The following SIL1 variants were observed in gnomAD, a reference collection of about 807,000 sequenced individuals.
SIL1 encodes nucleotide exchange factor SIL1.
A neutral mutation model predicts 49.1 loss-of-function variants in SIL1; 40 were observed. That is an observed-to-expected ratio of 0.81 (90% CI 0.63 to 1.06). The LOEUF is 1.06. Ranked by LOEUF, SIL1 falls within the 50% of genes least tolerant of loss-of-function variation. The pLI, the probability that SIL1 is intolerant of heterozygous loss-of-function variation, is 0.00. For synonymous variants in SIL1, 253 were observed against 250.8 expected (o/e 1.01, Z -0.08); for missense variants, 500 against 572.6 (o/e 0.87, Z 1.29).
intron 7 of SIL1, among the ~76,000 whole-genome samples, chr5:138,960,709 A>ACCTC (rs1402455717): frequency 6.6e-6 from 1 of 151,768 alleles, no homozygotes. Flanking sequence ...GCCAGCCTTG[A>ACCTC]CCTCCCAAGT....
intron 3 of SIL1, among the ~76,000 whole-genome samples, chr5:139,096,653 G>A (rs957296833): frequency 1.3e-5 from 2 of 151,768 alleles, no homozygotes; most frequent in African/African-American, 4.8e-5. Context: ...AGAGTTGTGA[G>A]GCACCTGTTC....
At chr5:139,108,424 C>A (rs576603916) in intron 3 of SIL1, among the ~76,000 whole-genome samples, 2 of 152,272 alleles carry the variant, frequency 1.3e-5, no homozygotes, top group African/African-American at 2.4e-5. Flanking sequence ...CCAGAAATAT[C>A]CAATGATGGG....
At chr5:139,132,860 AG>A (rs1425850340) in intron 1 of SIL1, among the ~76,000 whole-genome samples, 2 of 152,214 alleles carry the variant, frequency 1.3e-5, no homozygotes, top group Non-Finnish European at 2.9e-5. Context: ...ATGCTTTGCC[AG>A]GATGGCCCAC....
rs970382288 is a variant in SIL1, at chr5:138,974,376, G to A, written c.768-22492C>T. On this transcript the variant is annotated intron_variant, in intron 7 of 9. Transcript: ENST00000394817. Reference sequence around the variant, plus strand: ...CCTTTGGGCCTGCTCTACAGCCTCCGCACTGCTCTGAAACATCACCACTGG... The same window carrying A: ...CCTTTGGGCCTGCTCTACAGCCTCCACACTGCTCTGAAACATCACCACTGG... 7.2e-5 allele frequency among the ~76,000 whole-genome samples: 11 copies of A among 152,256 alleles called. No individual in the cohort carries two copies. In the East Asian group the frequency reaches 9.6e-4, roughly 13 times the overall value.
intron 7 of SIL1, among the ~76,000 whole-genome samples, chr5:138,958,311 G>A (rs1035988354): frequency 4.6e-5 from 7 of 152,156 alleles, no homozygotes; most frequent in African/African-American, 1.2e-4. Context: ...ACACAATGCC[G>A]TATCTTTCTC....
chr5:139,134,300 T>A (rs1179388707), intron 1 of SIL1, among the ~76,000 whole-genome samples: 2 of 152,150 alleles, frequency 1.3e-5, no homozygotes, highest in Non-Finnish European at 2.9e-5. Flanking sequence ...CCTGGCTTTT[T>A]AAAATTTATT....
intron 3 of SIL1, among the ~76,000 whole-genome samples, chr5:139,119,036 C>T (rs760760924): frequency 6.6e-6 from 1 of 152,216 alleles, no homozygotes; most frequent in Non-Finnish European, 1.5e-5. Context: ...CTGGGTGCAA[C>T]TGCAACACAC....
At chr5:138,967,974 G>C (rs999377170) in intron 7 of SIL1, among the ~76,000 whole-genome samples, 4 of 152,172 alleles carry the variant, frequency 2.6e-5, no homozygotes, top group Non-Finnish European at 5.9e-5. Context: ...ACGACTAAGG[G>C]AGAAGGCCTG....
intron 5 of SIL1, among the ~76,000 whole-genome samples, chr5:139,038,826 G>A (rs1276739449): frequency 1.3e-5 from 2 of 152,206 alleles, no homozygotes; most frequent in African/African-American, 2.4e-5. Context: ...GCCCCAGAGA[G>A]GGAAGCAGAA....
chr5:139,044,364 G>A (rs1049602678), intron 4 of SIL1, among the ~76,000 whole-genome samples: 2 of 151,922 alleles, frequency 1.3e-5, no homozygotes, highest in African/African-American at 4.8e-5. Context: ...TGTAAGACTT[G>A]GTCAGGACTA....
chr5:138,984,293 G>A (rs1767600028), intron 7 of SIL1, among the ~76,000 whole-genome samples: 1 of 151,802 alleles, frequency 6.6e-6, no homozygotes, highest in South Asian at 2.1e-4. Context: ...GTCTCAGGCA[G>A]GACTGATACT....
intron 6 of SIL1, chr5:139,022,138 T>C (rs370121751): frequency 1.3e-5 from 2 of 152,422 alleles, no homozygotes; most frequent in African/African-American, 4.8e-5. Flanking sequence ...ATGTACCCGC[T>C]ACAGTCTCCC....
At chr5:138,969,395 T>C (rs1767223307) in intron 7 of SIL1, among the ~76,000 whole-genome samples, 1 of 152,218 alleles carries the variant, frequency 6.6e-6, no homozygotes, top group Non-Finnish European at 1.5e-5. Flanking sequence ...CTGGAAACTG[T>C]AGGCTAGAGC....
chr5:139,046,269 G>T (rs991437557), intron 4 of SIL1, among the ~76,000 whole-genome samples: 2 of 152,160 alleles, frequency 1.3e-5, no homozygotes, highest in Non-Finnish European at 2.9e-5. Flanking sequence ...GGAGGTTGCA[G>T]TGAGCTGAGA....
chr5:139,095,159 C>T (rs1036690718), intron 3 of SIL1, among the ~76,000 whole-genome samples: 23 of 152,006 alleles, frequency 1.5e-4, no homozygotes, highest in African/African-American at 4.8e-4. Flanking sequence ...TTTCCTTTTC[C>T]AAAATGTGTT....
rs112796288 is a variant in SIL1 at position 138,971,043 on chromosome 5, C to A, written c.768-19159G>T. 8.8e-3 allele frequency among the ~76,000 whole-genome samples: 1,339 copies of A among 152,220 alleles called. 18 individuals carry two copies. Among genetic ancestry groups the A allele is most frequent in the African/African-American group, 0.029 (1,217 of 41,506 alleles). ...GGCAAGTCTAGATCACATGACCAGC[C>A]CTAACTGGGAAGGGAACAGGTGGGG... On this transcript the variant is annotated intron_variant, in intron 7 of 9. Coordinates refer to ENST00000394817, the MANE Select transcript of SIL1 (RefSeq NM_022464.5).
At chr5:139,036,566 G>T (rs960504401) in intron 5 of SIL1, among the ~76,000 whole-genome samples, 1 of 152,116 alleles carries the variant, frequency 6.6e-6, no homozygotes, top group African/African-American at 2.4e-5. Context: ...TGGAGCTGGA[G>T]GCCATTATTC....
intron 7 of SIL1, among the ~76,000 whole-genome samples, chr5:139,001,114 C>T (rs1476528420): frequency 4.6e-5 from 7 of 151,576 alleles, no homozygotes; most frequent in Non-Finnish European, 8.8e-5. Flanking sequence ...ATATAGTAGT[C>T]AGGAAAGAGT....
intron 7 of SIL1, among the ~76,000 whole-genome samples, chr5:138,985,893 G>A (rs1176601905): frequency 6.6e-6 from 1 of 152,198 alleles, no homozygotes; most frequent in Non-Finnish European, 1.5e-5. Context: ...GCCCGCTGAT[G>A]AAGGCAAACC....
Sources: allele counts gnomAD v4.1 joint callset (sites outside exome capture counted in the v4.1 genomes callset), GRCh38; gene constraint gnomAD v4.1.1; transcripts MANE v1.5; gene names NCBI Gene and HGNC (gene_info 2026-07-23, HGNC 2026-07-21).